TBXAS1: variants seen among roughly 807,000 people sequenced by gnomAD.
TBXAS1 encodes thromboxane A synthase 1.
In TBXAS1, 48 loss-of-function variants were observed where a neutral mutation model predicts 60.7. The observed-to-expected ratio is 0.79, with a 90% confidence interval of 0.63 to 1.01. The LOEUF is 1.01. Among genes scored for constraint, TBXAS1 ranks in the 50% least tolerant of loss-of-function variants. The probability of loss-of-function intolerance (pLI) is 0.00; values close to 1 mark genes in which losing one functional copy is unlikely to be tolerated. For missense variants in TBXAS1, 685 were observed against 686.3 expected (o/e 1.00, Z 0.02); for synonymous variants, 287 against 269.7 (o/e 1.06, Z -0.63).
chr7:139,878,734 G>C (rs1802456104), intron 3 of TBXAS1, among the ~76,000 whole-genome samples: 1 of 152,126 alleles, frequency 6.6e-6, no homozygotes, highest in South Asian at 2.1e-4. Flanking sequence ...GACCCTTCTT[G>C]CAGAGAACAA....
chr7:140,003,170 T>A (rs1012048000), intron 9 of TBXAS1, among the ~76,000 whole-genome samples: 1 of 151,252 alleles, frequency 6.6e-6, no homozygotes, highest in Non-Finnish European at 1.5e-5. Context: ...TGCAGCCACA[T>A]GGAGAACTGC....
At chr7:139,878,135 G>T (rs181318384) in intron 3 of TBXAS1, among the ~76,000 whole-genome samples, 496 of 150,910 alleles carry the variant, frequency 3.3e-3, no homozygotes, top group Non-Finnish European at 6.2e-3. Flanking sequence ...GAGAGAAGGA[G>T]AGAGAGAGAG....
intron 1 of TBXAS1, among the ~76,000 whole-genome samples, chr7:139,845,661 G>A (rs753767987): frequency 3.3e-5 from 5 of 152,030 alleles, no homozygotes; most frequent in Non-Finnish European, 7.3e-5. Flanking sequence ...ACCAAACTGC[G>A]TTAGAAGAGA....
chr7:139,786,375 C>A (rs754302664), intron 3 of TBXAS1, among the ~76,000 whole-genome samples: 1 of 152,074 alleles, frequency 6.6e-6, no homozygotes, highest in African/African-American at 2.4e-5. Context: ...TACTTCTAGA[C>A]AGCTTTGAAC....
At chr7:139,806,105 T>G (rs1432050910) in intron 4 of TBXAS1, among the ~76,000 whole-genome samples, 5 of 151,176 alleles carry the variant, frequency 3.3e-5, no homozygotes, top group African/African-American at 1.2e-4. Context: ...TGGCTAATTT[T>G]TTTTTGTATT....
chr7:139,928,564 A>AT (rs1178884397), intron 4 of TBXAS1, among the ~76,000 whole-genome samples: 2 of 152,216 alleles, frequency 1.3e-5, no homozygotes, highest in Admixed American at 1.3e-4. Flanking sequence ...GTAGTTCATT[A>AT]TGAAAATAAC....
upstream of TBXAS1, among the ~76,000 whole-genome samples, chr7:139,825,458 A>G (rs1798413135): frequency 6.6e-6 from 1 of 152,160 alleles, no homozygotes; most frequent in Admixed American, 6.5e-5. Flanking sequence ...CAAATCACAA[A>G]TCACATATGA....
rs767167593 is a variant in TBXAS1, at chr7:139,936,251, T to C, written c.394T>C (p.Trp132Arg). 4.3e-6 allele frequency: 7 copies of C among 1,614,176 alleles called. No homozygotes were observed. The East Asian group carries it at 8.9e-5, about 21-fold the overall frequency. Residue 132 changes from tryptophan to arginine, a missense_variant, in exon 5 of 13, where the codon TGG becomes CGG. Transcript: ENST00000448866. ...CGTTCTGTTTTTACGTGACAAAAGA[T>C]GGGAAGAGGTCAGAGGTGCCCTGAT... ...DSVLFLRDKR[W>R]EEVRGALMSA... is the part of the protein sequence containing the mutation.
intron 3 of TBXAS1, among the ~76,000 whole-genome samples, chr7:139,902,132 G>C (rs533290683): frequency 4.9e-5 from 7 of 141,442 alleles, no homozygotes; most frequent in African/African-American, 1.9e-4. Flanking sequence ...ATATGCACTC[G>C]TGTGTGTGTG....
chr7:139,905,281 G>A (rs1043821999), intron 3 of TBXAS1, among the ~76,000 whole-genome samples: 2 of 151,888 alleles, frequency 1.3e-5, no homozygotes, highest in East Asian at 3.9e-4. Flanking sequence ...TTACATTAAG[G>A]TATGTCCCTT....
chr7:139,835,482 CA>C (rs1798997594), intron 1 of TBXAS1, among the ~76,000 whole-genome samples: 1 of 152,086 alleles, frequency 6.6e-6, no homozygotes, highest in Admixed American at 6.5e-5. Context: ...GTTTAACATA[CA>C]AAAGTCAATA....
At chr7:139,963,052 C>G (rs554630219) in intron 9 of TBXAS1, 157 of 152,360 alleles carry the variant, frequency 1.0e-3, no homozygotes, top group African/African-American at 3.7e-3. Context: ...CTGAAAACCA[C>G]TTCCCGGGAA....
chr7:139,905,010 T>TCTTTCTTC (rs2117015039), intron 3 of TBXAS1, among the ~76,000 whole-genome samples: 1 of 58,232 alleles, frequency 1.7e-5, no homozygotes, highest in Non-Finnish European at 3.2e-5. Flanking sequence ...TTTCTCTCTT[T>TCTTTCTTC]CTTTCTTTCT....
chr7:140,001,853 C>T (rs923409344), intron 9 of TBXAS1, among the ~76,000 whole-genome samples: 16 of 152,210 alleles, frequency 1.1e-4, no homozygotes, highest in African/African-American at 3.9e-4. Context: ...ACAAGGCCAT[C>T]CACTTTTCAC....
At chr7:139,864,041 G>A (rs1459624041) in intron 1 of TBXAS1, among the ~76,000 whole-genome samples, 1 of 152,128 alleles carries the variant, frequency 6.6e-6, no homozygotes, top group Admixed American at 6.5e-5. Context: ...TACTCTTTCT[G>A]CTTCCTTTTT....
intron 7 of TBXAS1, among the ~76,000 whole-genome samples, chr7:139,957,218 C>T (rs1488601484): frequency 6.6e-6 from 1 of 152,214 alleles, no homozygotes; most frequent in Non-Finnish European, 1.5e-5. Flanking sequence ...AAAGAAAATT[C>T]AAATGACCAG....
At chr7:140,007,916 C>G (rs1273016482) in intron 10 of TBXAS1, among the ~76,000 whole-genome samples, 1 of 152,226 alleles carries the variant, frequency 6.6e-6, no homozygotes, top group East Asian at 1.9e-4. Context: ...GCAAAACCAA[C>G]TATTGTGCTT....
At chr7:139,923,886 C>G (rs1312628267) in intron 4 of TBXAS1, among the ~76,000 whole-genome samples, 1 of 152,174 alleles carries the variant, frequency 6.6e-6, no homozygotes, top group Non-Finnish European at 1.5e-5. Flanking sequence ...TAAGTGAGAA[C>G]ATGCCAATTT....
intron 1 of TBXAS1, among the ~76,000 whole-genome samples, chr7:139,850,136 A>G (rs1272648032): frequency 1.0e-3 from 155 of 152,186 alleles, no homozygotes; most frequent in Non-Finnish European, 2.9e-5. Context: ...TGAGTTCTCA[A>G]AGATAAAAAG....
Sources: gnomAD v4.1 joint callset for allele counts (sites outside exome capture counted in the v4.1 genomes callset) on GRCh38, gnomAD v4.1.1 for gene constraint, MANE v1.5 for transcripts, NCBI Gene and HGNC (gene_info 2026-07-23, HGNC 2026-07-21) for gene names.